The following IGF1R variants were observed in gnomAD, a reference collection of about 807,000 sequenced individuals.
IGF1R encodes the protein insulin like growth factor 1 receptor.
A neutral mutation model predicts 144.6 loss-of-function variants in IGF1R; 44 were observed. The ratio of observed to expected loss-of-function variants is 0.30; its 90% CI spans 0.24 to 0.39. The LOEUF is 0.39. Ranked by LOEUF, IGF1R falls within the 10% of genes least tolerant of loss-of-function variation. The pLI is 1.00. For missense variants in IGF1R, 1,355 were observed against 1,833.7 expected (o/e 0.74, Z 4.77); for synonymous variants, 795 against 722.8 (o/e 1.10, Z -1.60).
intron 2 of IGF1R, among the ~76,000 whole-genome samples, chr15:98,781,995 TC>T (rs2055870956): frequency 6.6e-6 from 1 of 152,128 alleles, no homozygotes; most frequent in African/African-American, 2.4e-5. Context: ...CTTATTTCCC[TC>T]CTATTGATTT....
intron 2 of IGF1R, among the ~76,000 whole-genome samples, chr15:98,775,570 C>G (rs908584713): frequency 6.6e-6 from 1 of 152,224 alleles, no homozygotes; most frequent in Non-Finnish European, 1.5e-5. Context: ...CCCAAGCCCC[C>G]ACTTGTCGGG....
At chr15:98,765,330 T>C (rs12440429) in intron 2 of IGF1R, among the ~76,000 whole-genome samples, 22,895 of 136,876 alleles carry the variant, frequency 0.17, 1,498 homozygotes, top group South Asian at 0.28. Flanking sequence ...TTTTTTTTTT[T>C]TTTTTTGAGA....
Position 98,960,118 on chromosome 15 carries a change from C to T in IGF1R, c.*2676C>T. Reference sequence around the variant, plus strand: ...AGACAAAAGAATACATCTCACCTTTCTCAGCACCTGACAATAGGCCGTTGA... The same window carrying T: ...AGACAAAAGAATACATCTCACCTTTTTCAGCACCTGACAATAGGCCGTTGA... On this transcript the variant is annotated 3_prime_UTR_variant, in exon 21 of 21. Transcript: ENST00000650285. The T allele has an allele frequency of 4.3e-6, 1 of 233,618 alleles. No individual in the cohort carries two copies. Among genetic ancestry groups the T allele is most frequent in the Non-Finnish European group, 8.5e-6 (1 of 118,038 alleles). The allele number at this position is 233,618 out of a possible 1,614,324, so 14.5% of individuals were successfully genotyped here.
chr15:98,888,180 C>T (rs540711275), intron 2 of IGF1R, among the ~76,000 whole-genome samples: 296 of 152,328 alleles, frequency 1.9e-3, no homozygotes, highest in African/African-American at 5.7e-3. Flanking sequence ...CTGTGTCGTC[C>T]GTTCCCTGGG....
intron 1 of IGF1R, among the ~76,000 whole-genome samples, chr15:98,654,143 A>G (rs532585800): frequency 5.9e-5 from 9 of 152,302 alleles, no homozygotes. Flanking sequence ...TTAGGACTCT[A>G]GTGTTGTTCA....
intron 1 of IGF1R, among the ~76,000 whole-genome samples, chr15:98,705,320 G>A (rs2053834820): frequency 6.6e-6 from 1 of 152,154 alleles, no homozygotes; most frequent in Non-Finnish European, 1.5e-5. Context: ...GTCATAATGG[G>A]GACAGAAGCT....
chr15:98,703,007 C>T lies in IGF1R; in HGVS notation c.95-4555C>T, dbSNP rs186206582. Among the ~76,000 whole-genome samples, 11 of 152,228 alleles carry T rather than the reference C, an allele frequency of 7.2e-5. No homozygotes were observed. In the East Asian group the frequency reaches 2.1e-3, roughly 30 times the overall value. On this transcript the variant is annotated intron_variant, in intron 1 of 20. Coordinates refer to ENST00000650285, the MANE Select transcript of IGF1R (RefSeq NM_000875.5). Reference sequence around the variant, plus strand: ...ATTCTACCCAGGTACCAAGCCCCTGCCTGCCCCTCCCAACTCCCTTCCCTG... The same window carrying T: ...ATTCTACCCAGGTACCAAGCCCCTGTCTGCCCCTCCCAACTCCCTTCCCTG...
chr15:98,682,558 T>G (rs548799292), intron 1 of IGF1R, among the ~76,000 whole-genome samples: 1 of 152,274 alleles, frequency 6.6e-6, no homozygotes, highest in African/African-American at 2.4e-5. Context: ...GGGTTGCCTT[T>G]TTTTTTGGAG....
chr15:98,721,152 C>T (rs1438617673), intron 2 of IGF1R, among the ~76,000 whole-genome samples: 1 of 152,206 alleles, frequency 6.6e-6, no homozygotes, highest in African/African-American at 2.4e-5. Context: ...CCTTAACCAT[C>T]ACCCACTTGA....
At chr15:98,754,211 C>A (rs1279815970) in intron 2 of IGF1R, among the ~76,000 whole-genome samples, 1 of 152,010 alleles carries the variant, frequency 6.6e-6, no homozygotes, top group Non-Finnish European at 1.5e-5. Context: ...TTTTAATGAG[C>A]CTTAATTAAT....
At chr15:98,715,402 TGTG>T (rs527573847) in intron 2 of IGF1R, among the ~76,000 whole-genome samples, 48 of 152,292 alleles carry the variant, frequency 3.2e-4, no homozygotes, top group African/African-American at 1.1e-3. Flanking sequence ...ACCACTGACT[TGTG>T]GTGATTTTTG....
chr15:98,897,001 T>C (rs1596410109), intron 4 of IGF1R, 96 bp downstream of exon 4: 2 of 1,166,502 alleles, frequency 1.7e-6, no homozygotes, highest in Non-Finnish European at 2.5e-6. Context: ...CACTAAAATA[T>C]GGGCTTAGAT....
chr15:98,887,916 G>T (rs941832182), intron 2 of IGF1R, among the ~76,000 whole-genome samples: 3 of 152,158 alleles, frequency 2.0e-5, no homozygotes, highest in Admixed American at 2.0e-4. Context: ...AACTTTCCAT[G>T]GTTTCGTATT....
chr15:98,758,102 T>C (rs1025339628), intron 2 of IGF1R, among the ~76,000 whole-genome samples: 4 of 152,198 alleles, frequency 2.6e-5, no homozygotes, highest in Non-Finnish European at 4.4e-5. Context: ...TTCTAGTAGA[T>C]TCTTATTCCT....
chr15:98,796,511 A>G (rs1028719585), intron 2 of IGF1R, among the ~76,000 whole-genome samples: 3 of 152,162 alleles, frequency 2.0e-5, no homozygotes, highest in Non-Finnish European at 2.9e-5. Context: ...TAAAGACCCC[A>G]TAGTCCTGTG....
chr15:98,727,379 AT>A (rs896811325), intron 2 of IGF1R, among the ~76,000 whole-genome samples: 127 of 150,010 alleles, frequency 8.5e-4, no homozygotes, highest in South Asian at 5.9e-3. Flanking sequence ...GTAGGTTTAC[AT>A]TTTTTTTTTC....
chr15:98,923,802 C>T, intron 11 of IGF1R, 74 bp from the exon 12 acceptor site: 1 of 1,229,588 alleles, frequency 8.1e-7, no homozygotes, highest in Non-Finnish European at 1.2e-6. Flanking sequence ...GGGGGTTATT[C>T]TCAGGTCAGC....
At chr15:98,870,757 G>A (rs2684782) in intron 2 of IGF1R, among the ~76,000 whole-genome samples, 151,875 of 152,304 alleles carry the variant, frequency 1, 75,725 homozygotes, top group Middle Eastern at 1. Flanking sequence ...AAATGGATGA[G>A]TGAATGCAAC....
chr15:98,715,728 G>T (rs1271505452), intron 2 of IGF1R, among the ~76,000 whole-genome samples: 2 of 152,120 alleles, frequency 1.3e-5, no homozygotes, highest in Admixed American at 6.5e-5. Flanking sequence ...CCTCCTTTGG[G>T]CATATGGTGT....
Sources: allele counts gnomAD v4.1 joint callset (sites outside exome capture counted in the v4.1 genomes callset), GRCh38; gene constraint gnomAD v4.1.1; transcripts MANE v1.5; gene names NCBI Gene and HGNC (gene_info 2026-07-23, HGNC 2026-07-21).